The following SCAPER variants were observed in gnomAD, a reference collection of about 807,000 sequenced individuals.
SCAPER encodes S phase cyclin A-associated protein in the endoplasmic reticulum.
SCAPER carries 98 observed loss-of-function variants against 182.2 expected under a neutral mutation model. That is an observed-to-expected ratio of 0.54 (90% CI 0.46 to 0.64). The LOEUF (loss-of-function observed/expected upper bound fraction) is 0.64. Ranked by LOEUF, SCAPER falls within the 30% of genes least tolerant of loss-of-function variation. The pLI is 0.00. For synonymous variants in SCAPER, 605 were observed against 564.6 expected (o/e 1.07, Z -1.01); for missense variants, 1,432 against 1,690.0 (o/e 0.85, Z 2.68).
At chr15:76,422,395 T>A (rs1022171260) in intron 26 of SCAPER, among the ~76,000 whole-genome samples, 2 of 152,168 alleles carry the variant, frequency 1.3e-5, no homozygotes, top group African/African-American at 4.8e-5. Context: ...TGAATGGGAG[T>A]TCACTCATGA....
At chr15:76,789,741 C>T (rs2064867521) in intron 8 of SCAPER, among the ~76,000 whole-genome samples, 1 of 152,124 alleles carries the variant, frequency 6.6e-6, no homozygotes, top group South Asian at 2.1e-4. Flanking sequence ...GTACACAAAA[C>T]TAAAAATTAC....
rs2058976311 is a variant in SCAPER, at chr15:76,701,952, G to A, written c.2401-87C>T. Reference sequence around the variant, plus strand: ...ACATTCAGTCCAGTATATGATATGTGAGTTGAGATCCACCTAGTATTTACA... The same window carrying A: ...ACATTCAGTCCAGTATATGATATGTAAGTTGAGATCCACCTAGTATTTACA... On this transcript the variant is annotated intron_variant, in intron 19 of 31. Transcript: ENST00000563290. 4 of 832,132 alleles carry A rather than the reference G, an allele frequency of 4.8e-6. No homozygotes were observed. The Admixed American group carries it at 6.6e-5, about 14-fold the overall frequency. The allele number at this position is 832,132 out of a possible 1,614,324, so 51.5% of individuals were successfully genotyped here. A position where few individuals can be genotyped will look rare whatever the true frequency, so the allele number is the denominator to read the frequency against.
chr15:76,630,382 T>C (rs2052996651), intron 21 of SCAPER, among the ~76,000 whole-genome samples: 1 of 152,192 alleles, frequency 6.6e-6, no homozygotes, highest in Non-Finnish European at 1.5e-5. Context: ...TTCTTTTAGT[T>C]GTAATGTTAA....
intron 23 of SCAPER, among the ~76,000 whole-genome samples, chr15:76,532,786 G>C (rs1228751813): frequency 6.6e-6 from 1 of 152,136 alleles, no homozygotes; most frequent in Non-Finnish European, 1.5e-5. Context: ...AAAGATGGAT[G>C]GTGCAGGCAC....
chr15:76,776,677 G>A (rs1039380705), intron 8 of SCAPER, among the ~76,000 whole-genome samples: 1 of 152,110 alleles, frequency 6.6e-6, no homozygotes, highest in Non-Finnish European at 1.5e-5. Flanking sequence ...ACAGTAACAA[G>A]GTGATATGAG....
intron 29 of SCAPER, among the ~76,000 whole-genome samples, chr15:76,361,073 C>A (rs2041380770): frequency 2.0e-5 from 3 of 149,766 alleles, no homozygotes; most frequent in South Asian, 4.2e-4. Context: ...GATCACGAAT[C>A]TGGATTAAAA....
intron 23 of SCAPER, among the ~76,000 whole-genome samples, chr15:76,538,401 T>C (rs1196084004): frequency 6.7e-6 from 1 of 150,162 alleles, no homozygotes; most frequent in Non-Finnish European, 1.5e-5. Flanking sequence ...AAATGATGAG[T>C]TCATGTCCTT....
chr15:76,362,537 C>T (rs986235698), intron 29 of SCAPER, among the ~76,000 whole-genome samples: 2 of 151,660 alleles, frequency 1.3e-5, no homozygotes, highest in African/African-American at 4.8e-5. Context: ...CTCAGCCTCC[C>T]GAGCAGCTGG....
intron 17 of SCAPER, among the ~76,000 whole-genome samples, chr15:76,723,077 T>A (rs2060358341): frequency 6.6e-6 from 1 of 152,186 alleles, no homozygotes; most frequent in Non-Finnish European, 1.5e-5. Flanking sequence ...GGGCTATAAA[T>A]TTCCCTCTAC....
intron 24 of SCAPER, among the ~76,000 whole-genome samples, chr15:76,493,460 C>T (rs1018377138): frequency 2.6e-5 from 4 of 152,040 alleles, no homozygotes; most frequent in African/African-American, 9.7e-5. Flanking sequence ...ATATTTTAAA[C>T]ACCAATCTAA....
intron 23 of SCAPER, among the ~76,000 whole-genome samples, chr15:76,516,134 C>T (rs1168570549): frequency 2.0e-5 from 3 of 151,350 alleles, no homozygotes; most frequent in South Asian, 4.2e-4. Context: ...GTTTTTTTTG[C>T]GTTATTCTTA....
At chr15:76,637,222 A>C (rs2053675590) in intron 21 of SCAPER, among the ~76,000 whole-genome samples, 1 of 151,964 alleles carries the variant, frequency 6.6e-6, no homozygotes, top group South Asian at 2.1e-4. Context: ...ACCTCTATAA[A>C]ATTTTTGTTT....
chr15:76,812,495 A>C (rs887769200), intron 5 of SCAPER, among the ~76,000 whole-genome samples: 6 of 149,274 alleles, frequency 4.0e-5, no homozygotes, highest in African/African-American at 1.5e-4. Flanking sequence ...AAAAAAAAAA[A>C]AAAAAGAAAG....
At chr15:76,900,381 T>C (rs1378803344) in intron 1 of SCAPER, among the ~76,000 whole-genome samples, 1 of 140,940 alleles carries the variant, frequency 7.1e-6, no homozygotes, top group Admixed American at 7.0e-5. Context: ...AATAAATACA[T>C]ACATACATAC....
intron 20 of SCAPER, among the ~76,000 whole-genome samples, chr15:76,670,285 G>C (rs115972317): frequency 0.015 from 2,201 of 151,770 alleles, 55 homozygotes; most frequent in African/African-American, 0.051. Context: ...TTTAAAAATA[G>C]GTTCTCCCAT....
intron 24 of SCAPER, among the ~76,000 whole-genome samples, chr15:76,503,370 GCTTT>G (rs2041308644): frequency 6.6e-6 from 1 of 152,108 alleles, no homozygotes; most frequent in Non-Finnish European, 1.5e-5. Flanking sequence ...CTGATGGGGA[GCTTT>G]CTGCTCCACA....
chr15:76,568,190 CATATATATATATATATAT>C (rs60959582), intron 23 of SCAPER, among the ~76,000 whole-genome samples: 8 of 138,704 alleles, frequency 5.8e-5, no homozygotes, highest in African/African-American at 1.5e-4. Flanking sequence ...ATGGATCAAG[CATATATATATATATATAT>C]ATATATATAT....
chr15:76,375,854 G>A (rs770635910), intron 29 of SCAPER, among the ~76,000 whole-genome samples: 7 of 152,140 alleles, frequency 4.6e-5, no homozygotes, highest in South Asian at 2.1e-4. Context: ...ATGTGGTGGC[G>A]GTTGCCTGTA....
intron 22 of SCAPER, among the ~76,000 whole-genome samples, chr15:76,613,783 A>G (rs2051207439): frequency 6.6e-6 from 1 of 152,230 alleles, no homozygotes; most frequent in Non-Finnish European, 1.5e-5. Flanking sequence ...GTTGTAGAGA[A>G]AAAGAAATGC....
Sources: gnomAD v4.1 joint callset for allele counts (sites outside exome capture counted in the v4.1 genomes callset) on GRCh38, gnomAD v4.1.1 for gene constraint, MANE v1.5 for transcripts, NCBI Gene and HGNC (gene_info 2026-07-23, HGNC 2026-07-21) for gene names.